KIF15: variants seen among roughly 807,000 people sequenced by gnomAD.
KIF15 encodes the protein kinesin family member 15.
Under a neutral mutation model 190.6 loss-of-function variants are expected in KIF15, and 140 were observed. The observed-to-expected ratio is 0.73, with a 90% CI of 0.64 to 0.84. The LOEUF is 0.84. Among genes scored for constraint, KIF15 ranks in the 40% least tolerant of loss-of-function variants. The pLI is 0.00. For synonymous variants in KIF15, 528 were observed against 551.3 expected, an observed-to-expected ratio of 0.96 and a Z score of 0.59; for missense variants, 1,372 against 1,584.4, an observed-to-expected ratio of 0.87 and a Z score of 2.28.
intron 20 of KIF15, among the ~76,000 whole-genome samples, chr3:44,816,444 C>T (rs551946883): frequency 4.0e-5 from 6 of 150,876 alleles, no homozygotes; most frequent in South Asian, 2.1e-4. Context: ...CCTGTGTCCA[C>T]GTGTTCTCAT....
rs1347684687 is a variant in KIF15, at chr3:44,839,341, C to T, written c.3318+920C>T. On this transcript the variant is annotated intron_variant, in intron 27 of 34. Transcript: ENST00000326047. ...TGAGCCGAGATCGCGCCACTGCACT[C>T]CAGCCTGGGCGACAGAGAGAGACTC... 3.3e-5 allele frequency among the ~76,000 whole-genome samples: 5 copies of T among 151,962 alleles called. No homozygotes were observed. The Middle Eastern group carries it at 0.01, about 310-fold the overall frequency.
At chr3:44,866,299 C>A (rs939562293) in intron 6 of KIF15, among the ~76,000 whole-genome samples, 4 of 152,120 alleles carry the variant, frequency 2.6e-5, no homozygotes, top group African/African-American at 9.7e-5. Flanking sequence ...GTCTCGATCT[C>A]CTGACCTCGT....
intron 26 of KIF15, among the ~76,000 whole-genome samples, chr3:44,835,832 A>G (rs921244835): frequency 4.6e-5 from 7 of 152,244 alleles, no homozygotes; most frequent in Non-Finnish European, 7.3e-5. Context: ...TTGTCTGACC[A>G]ATTTGAAAAG....
At chr3:44,867,271 C>T (rs1002204632) in intron 6 of KIF15, among the ~76,000 whole-genome samples, 1 of 152,234 alleles carries the variant, frequency 6.6e-6, no homozygotes, top group Non-Finnish European at 1.5e-5. Flanking sequence ...CTGTTCCATA[C>T]TGTGACTCAG....
intron 4 of KIF15, among the ~76,000 whole-genome samples, chr3:44,779,220 T>TTTTG (rs1706050510): frequency 6.6e-6 from 1 of 152,158 alleles, no homozygotes; most frequent in Non-Finnish European, 1.5e-5. Context: ...AGCCCCTTCT[T>TTTTG]ACTTTATGAT....
downstream of KIF15, among the ~76,000 whole-genome samples, chr3:44,855,591 A>G (rs1260705381): frequency 1.3e-5 from 2 of 152,168 alleles, no homozygotes; most frequent in African/African-American, 4.8e-5. Flanking sequence ...AATGTTTCTC[A>G]GGGCTGCTTC....
intron 20 of KIF15, among the ~76,000 whole-genome samples, chr3:44,821,569 G>A (rs1262994898): frequency 3.3e-5 from 5 of 152,024 alleles, no homozygotes; most frequent in Admixed American, 6.6e-5. Flanking sequence ...ATGGGATGGC[G>A]GCCGGGAAGA....
intron 7 of KIF15, among the ~76,000 whole-genome samples, chr3:44,789,801 T>C (rs1325767353): frequency 6.6e-6 from 1 of 151,480 alleles, no homozygotes; most frequent in African/African-American, 2.4e-5. Context: ...CCAATTTTAC[T>C]ACAGGCTAAT....
rs767568216 is a variant in KIF15 at position 44,775,255 on chromosome 3, A to T, written c.64A>T (p.Asn22Tyr). ...TTACTTTCTTTTTTTTGTCTTTAGT[A>T]ATGAAGGTGATGCCATCAAAGTTTT... ...VTNGQSNQPS[N>Y]EGDAIKVFVR... Residue 22 changes from asparagine (N) to tyrosine (Y), a missense_variant and splice_region_variant, in exon 3 of 35, where the codon AAT becomes TAT. Asn to Tyr is a moderately radical substitution (Grantham distance 143). Coordinates refer to ENST00000326047, the MANE Select transcript of KIF15 (RefSeq NM_020242.3). 6 of 1,611,260 alleles carry T rather than the reference A, an allele frequency of 3.7e-6. No individual in the cohort carries two copies. The South Asian group carries it at 6.6e-5, about 18-fold the overall frequency.
Position 44,794,307 on chromosome 3 carries a change from A to G in KIF15, c.730A>G (p.Ile244Val), listed in dbSNP as rs150375970. The change falls in exon 8 of 35, where the codon ATA becomes GTA. Residue 244 changes from isoleucine to valine, a missense_variant. By Grantham distance (29) the Ile-to-Val change is conservative. Transcript: ENST00000326047. ...GTCTCATGCCGTCTTTACAATTACAATAGAGTCAATGGAGAAAAGTAATGA... is the reference window on the plus strand; with the variant it reads ...GTCTCATGCCGTCTTTACAATTACAGTAGAGTCAATGGAGAAAAGTAATGA... ...SRSHAVFTIT[I>V]ESMEKSNEIV... 5.5e-5 allele frequency: 88 copies of G among 1,613,936 alleles called. No homozygotes were observed. The highest frequency in any genetic ancestry group is 7.3e-5 in the Non-Finnish European group (86 of 1,179,936).
intron 27 of KIF15, among the ~76,000 whole-genome samples, chr3:44,839,506 G>GA (rs1162060668): frequency 1.3e-5 from 2 of 152,104 alleles, no homozygotes; most frequent in African/African-American, 2.4e-5. Context: ...ATCAAGTTCT[G>GA]AAAAAATAAT....
At chr3:44,835,947 G>A (rs757252568) in intron 26 of KIF15, among the ~76,000 whole-genome samples, 14 of 152,162 alleles carry the variant, frequency 9.2e-5, no homozygotes, top group Admixed American at 2.0e-4. Context: ...GGTAATGCAC[G>A]CCTGTAGTCC....
intron 17 of KIF15, among the ~76,000 whole-genome samples, chr3:44,811,636 ACT>A (rs1707789221): frequency 6.6e-6 from 1 of 152,088 alleles, no homozygotes; most frequent in African/African-American, 2.4e-5. Context: ...CAAGAGTGAA[ACT>A]CTGTCTCAAA....
At chr3:44,837,394 A>G (rs1698373395) in intron 26 of KIF15, among the ~76,000 whole-genome samples, 1 of 152,226 alleles carries the variant, frequency 6.6e-6, no homozygotes, top group Non-Finnish European at 1.5e-5. Flanking sequence ...AGTGCATAGA[A>G]TAGTGAAAAA....
chr3:44,829,735 T>G (rs938036852), intron 24 of KIF15, among the ~76,000 whole-genome samples: 1 of 138,430 alleles, frequency 7.2e-6, no homozygotes, highest in Non-Finnish European at 1.5e-5. Context: ...GATGTATATA[T>G]TATATATGTA....
chr3:44,838,773 G>A (rs1244301673), intron 27 of KIF15, among the ~76,000 whole-genome samples: 3 of 151,326 alleles, frequency 2.0e-5, no homozygotes, highest in Non-Finnish European at 4.4e-5. Flanking sequence ...AAAAATGGGG[G>A]ACAGGAGGAA....
At chr3:44,786,598 T>G (rs776527897) in intron 7 of KIF15, 24 bp downstream of exon 7, 1 of 1,583,406 alleles carries the variant, frequency 6.3e-7, no homozygotes, top group Non-Finnish European at 8.6e-7. Context: ...AGTACTTAAT[T>G]GGTGCTTAGG....
At chr3:44,837,479 GAA>G (rs1474123878) in intron 26 of KIF15, among the ~76,000 whole-genome samples, 5 of 152,196 alleles carry the variant, frequency 3.3e-5, no homozygotes, top group Admixed American at 2.0e-4. Context: ...TCCACACAGT[GAA>G]AAGAGTGAGT....
intron 6 of KIF15, among the ~76,000 whole-genome samples, chr3:44,785,578 G>T (rs761068140): frequency 5.9e-5 from 9 of 152,288 alleles, no homozygotes; most frequent in Non-Finnish European, 1.0e-4. Flanking sequence ...GTGTACCAAA[G>T]AAATATATAA....
Sources: allele counts gnomAD v4.1 joint callset (sites outside exome capture counted in the v4.1 genomes callset), GRCh38; gene constraint gnomAD v4.1.1; transcripts MANE v1.5; gene names NCBI Gene and HGNC (gene_info 2026-07-23, HGNC 2026-07-21).